The following TCF7L2 variants were observed in gnomAD, a reference collection of about 807,000 sequenced individuals.
The protein encoded by TCF7L2 is transcription factor 7 like 2.
In TCF7L2, 23 loss-of-function variants were observed where a neutral mutation model predicts 77.9. The observed-to-expected ratio is 0.30, with a 90% CI of 0.21 to 0.42. The LOEUF is 0.42. Among genes scored for constraint, TCF7L2 ranks in the 10% least tolerant of loss-of-function variants. The pLI, the probability that TCF7L2 is intolerant of heterozygous loss-of-function variation, is 1.00. For missense variants in TCF7L2, 654 were observed against 793.1 expected (o/e 0.82, Z 2.11); for synonymous variants, 413 against 340.2 (o/e 1.21, Z -2.36).
Position 112,951,542 on chromosome 10 carries a change from A to T in TCF7L2, c.316A>T (p.Ile106Phe). Residue 106 changes from isoleucine (I) to phenylalanine (F), a missense_variant, in exon 3 of 14, where the codon ATC (isoleucine) becomes TTC (phenylalanine). Ile to Phe is a conservative substitution (Grantham distance 21, BLOSUM62 0). Coordinates refer to ENST00000627217, the MANE Select transcript of TCF7L2 (RefSeq NM_001146274.2). Reference sequence around the variant, plus strand: ...GCCACCGTATCCCGGCTACCCCTTCATCATGATCCCCGACCTGACGAGCCC... The same window carrying T: ...GCCACCGTATCCCGGCTACCCCTTCTTCATGATCCCCGACCTGACGAGCCC... The T allele has an allele frequency of 1.4e-6, 2 of 1,421,542 alleles. No individual in the cohort carries two copies. Among genetic ancestry groups the T allele is most frequent in the Non-Finnish European group, 1.9e-6 (2 of 1,064,040 alleles). The allele number at this position is 1,421,542 out of a possible 1,614,324, so 88.1% of individuals were successfully genotyped here. A position where few individuals can be genotyped will look rare whatever the true frequency, so the allele number is the denominator to read the frequency against.
intron 3 of TCF7L2, among the ~76,000 whole-genome samples, chr10:112,954,507 A>C (rs1265017969): frequency 2.0e-5 from 3 of 152,242 alleles, no homozygotes; most frequent in African/African-American, 7.2e-5. Context: ...TTTCTGCATA[A>C]TATTAATTTA....
chr10:113,088,516 G>GA (rs2060060893), intron 5 of TCF7L2, among the ~76,000 whole-genome samples: 2 of 152,218 alleles, frequency 1.3e-5, no homozygotes, highest in South Asian at 4.1e-4. Context: ...CAGCTATTGT[G>GA]ATAGGGTTTG....
chr10:113,155,390 C>T (rs1307847162), intron 11 of TCF7L2, among the ~76,000 whole-genome samples: 1 of 152,128 alleles, frequency 6.6e-6, no homozygotes, highest in Non-Finnish European at 1.5e-5. Context: ...TCTTCTGTTA[C>T]ATTTAAAGGG....
intron 5 of TCF7L2, among the ~76,000 whole-genome samples, chr10:113,069,979 C>T (rs954154774): frequency 5.3e-5 from 8 of 151,882 alleles, no homozygotes; most frequent in African/African-American, 7.3e-5. Flanking sequence ...ATTATTGGGC[C>T]GGGCATGGTG....
At chr10:112,974,720 G>A (rs1456833334) in intron 4 of TCF7L2, among the ~76,000 whole-genome samples, 1 of 152,110 alleles carries the variant, frequency 6.6e-6, no homozygotes, top group Non-Finnish European at 1.5e-5. Flanking sequence ...TGGGATTACA[G>A]GCATGAACCA....
At chr10:113,052,818 C>T (rs2054692546) in intron 5 of TCF7L2, among the ~76,000 whole-genome samples, 1 of 152,224 alleles carries the variant, frequency 6.6e-6, no homozygotes, top group Non-Finnish European at 1.5e-5. Flanking sequence ...CAGCAGTGAA[C>T]TCTACAGTTC....
intron 5 of TCF7L2, among the ~76,000 whole-genome samples, chr10:113,054,341 G>A (rs1187621955): frequency 6.6e-6 from 1 of 152,200 alleles, no homozygotes. Context: ...AATGCTATGT[G>A]TAGTCACTCC....
At chr10:113,018,138 C>G (rs1253787601) in intron 4 of TCF7L2, among the ~76,000 whole-genome samples, 1 of 152,124 alleles carries the variant, frequency 6.6e-6, no homozygotes, top group Non-Finnish European at 1.5e-5. Flanking sequence ...GTAACACATA[C>G]ATTTATATTG....
intron 4 of TCF7L2, among the ~76,000 whole-genome samples, chr10:113,029,310 C>T (rs1320904132): frequency 2.0e-5 from 3 of 152,110 alleles, no homozygotes; most frequent in East Asian, 1.9e-4. Context: ...GTATACTGTC[C>T]TCTCTTATCT....
chr10:113,089,512 A>G (rs185099996), intron 5 of TCF7L2: 108 of 1,613,748 alleles, frequency 6.7e-5, no homozygotes, highest in Non-Finnish European at 2.5e-6. Context: ...CACTCCTTAC[A>G]AAAAGTTGGG....
intron 5 of TCF7L2, among the ~76,000 whole-genome samples, chr10:113,077,059 C>T (rs1432749311): frequency 1.3e-5 from 2 of 152,182 alleles, no homozygotes; most frequent in Non-Finnish European, 1.5e-5. Flanking sequence ...GTTATCATCC[C>T]TTCCTGATTT....
chr10:112,968,735 C>G (rs376594267), intron 4 of TCF7L2, among the ~76,000 whole-genome samples: 9 of 152,250 alleles, frequency 5.9e-5, no homozygotes, highest in Admixed American at 5.2e-4. Context: ...CCTGCCACCA[C>G]GTTCGGCTCA....
chr10:113,089,386 C>T, intron 5 of TCF7L2: 1 of 1,611,694 alleles, frequency 6.2e-7, no homozygotes, highest in Non-Finnish European at 8.5e-7. Flanking sequence ...GTTCCCCTTT[C>T]TTCCTGGCAG....
At chr10:113,013,072 C>T (rs1199093143) in intron 4 of TCF7L2, among the ~76,000 whole-genome samples, 1 of 151,002 alleles carries the variant, frequency 6.6e-6, no homozygotes, top group Non-Finnish European at 1.5e-5. Flanking sequence ...TCCAGCAGCT[C>T]ACGCTTAAGA....
chr10:112,961,505 C>T (rs1319335197), intron 3 of TCF7L2, among the ~76,000 whole-genome samples: 1 of 152,032 alleles, frequency 6.6e-6, no homozygotes, highest in Non-Finnish European at 1.5e-5. Flanking sequence ...TATTTTTTAT[C>T]TGTGCCTTAA....
At chr10:112,970,166 T>TG (rs1564727389) in intron 4 of TCF7L2, among the ~76,000 whole-genome samples, 1 of 150,288 alleles carries the variant, frequency 6.7e-6, no homozygotes, top group East Asian at 2.0e-4. Flanking sequence ...TTGAAGTGGT[T>TG]TGTGTGTGTG....
intron 5 of TCF7L2, among the ~76,000 whole-genome samples, chr10:113,097,929 A>G (rs998769732): frequency 2.6e-5 from 4 of 151,270 alleles, no homozygotes; most frequent in African/African-American, 9.7e-5. Flanking sequence ...GTGCGCTTGT[A>G]ATTCCAGCTA....
chr10:113,157,971 C>T, intron 11 of TCF7L2, 50 bp from the exon 12 acceptor site: 1 of 1,549,410 alleles, frequency 6.5e-7, no homozygotes, highest in South Asian at 1.2e-5. Context: ...AGACACTCTT[C>T]TCACATCTGT....
chr10:112,995,183 A>G (rs2043242848), intron 4 of TCF7L2, among the ~76,000 whole-genome samples: 1 of 152,142 alleles, frequency 6.6e-6, no homozygotes, highest in African/African-American at 2.4e-5. Context: ...CTGGGTAGAG[A>G]TGGGAACCCA....
Sources: gnomAD v4.1 joint callset for allele counts (sites outside exome capture counted in the v4.1 genomes callset) on GRCh38, gnomAD v4.1.1 for gene constraint, MANE v1.5 for transcripts, NCBI Gene and HGNC (gene_info 2026-07-23, HGNC 2026-07-21) for gene names.